The following DAB1 variants were observed in gnomAD, a reference collection of about 807,000 sequenced individuals.
DAB1 encodes DAB adaptor protein 1, also known as disabled homolog 1.
In DAB1, 15 loss-of-function variants were observed where a neutral mutation model predicts 64.6. That is an observed-to-expected ratio of 0.23 (90% CI 0.16 to 0.36). The LOEUF (loss-of-function observed/expected upper bound fraction) is 0.36, where lower values mean the gene tolerates loss of function less well. DAB1 is among the 10% of genes least tolerant of loss of function. DAB1 has a pLI of 1.00. For synonymous variants in DAB1, 235 were observed against 251.9 expected (o/e 0.93, Z 0.64); for missense variants, 596 against 706.7 (o/e 0.84, Z 1.78).
At chr1:58,274,118 G>GT (rs1342407495) in intron 4 of DAB1, among the ~76,000 whole-genome samples, 4 of 141,688 alleles carry the variant, frequency 2.8e-5, no homozygotes, top group African/African-American at 1.0e-4. Context: ...TTTCTGTTCT[G>GT]TTTTTTCCCC....
At chr1:57,177,447 A>G (rs1290850874) in intron 2 of DAB1, among the ~76,000 whole-genome samples, 3 of 152,160 alleles carry the variant, frequency 2.0e-5, no homozygotes, top group Admixed American at 2.0e-4. Flanking sequence ...AGGGAAAAAA[A>G]GATGTTTTTC....
At chr1:58,066,964 C>T (rs1241091182) in intron 5 of DAB1, among the ~76,000 whole-genome samples, 3 of 152,196 alleles carry the variant, frequency 2.0e-5, no homozygotes, top group South Asian at 2.1e-4. Flanking sequence ...GCTCCGGCCT[C>T]GCCATTCTCC....
At chr1:57,425,441 A>G (rs1169712006), upstream of DAB1, among the ~76,000 whole-genome samples, 1 of 152,124 alleles carries the variant, frequency 6.6e-6, no homozygotes, top group Non-Finnish European at 1.5e-5. Context: ...TCAATGGGCT[A>G]AAAATATTTA....
intron 4 of DAB1, among the ~76,000 whole-genome samples, chr1:58,266,100 T>A (rs1173038635): frequency 6.6e-6 from 1 of 151,068 alleles, no homozygotes. Flanking sequence ...AATTAATTAG[T>A]GCATATCAAA....
intron 7 of DAB1, among the ~76,000 whole-genome samples, chr1:57,585,636 C>A (rs1052375394): frequency 1.3e-5 from 2 of 152,104 alleles, no homozygotes; most frequent in East Asian, 1.9e-4. Flanking sequence ...CTTTCTACCC[C>A]CTTAGGCATT....
chr1:57,780,713 C>CT (rs891623389), intron 6 of DAB1, among the ~76,000 whole-genome samples: 1 of 151,472 alleles, frequency 6.6e-6, no homozygotes, highest in Non-Finnish European at 1.5e-5. Flanking sequence ...TTCCTTCTTT[C>CT]TTTTTTTCTT....
At chr1:57,902,030 C>G (rs778718873) in intron 5 of DAB1, among the ~76,000 whole-genome samples, 20 of 151,794 alleles carry the variant, frequency 1.3e-4, no homozygotes, top group Non-Finnish European at 1.9e-4. Context: ...TAGTGCACAT[C>G]TGTGTGGTCC....
At chr1:57,649,574 C>G (rs989385903) in intron 7 of DAB1, 4 of 152,120 alleles carry the variant, frequency 2.6e-5, no homozygotes, top group African/African-American at 9.7e-5. Flanking sequence ...CGATACCCAG[C>G]CAGACTCAAA....
rs576700711 is a variant in DAB1 at position 57,663,355 on chromosome 1, G to A, written n.552-13690C>T. 3.3e-5 allele frequency among the ~76,000 whole-genome samples: 5 copies of A among 152,148 alleles called. No homozygotes were observed. The South Asian group carries it at 1.0e-3, about 32-fold the overall frequency. On this transcript the variant is annotated intron_variant and non_coding_transcript_variant, in intron 6 of 20. Coordinates refer to the DAB1 transcript ENST00000485760. ...ACAATTTGACGTGAGATTTTGGCGG[G>A]GACACAAACCCAAACCACATCAGGT...
intron 6 of DAB1, among the ~76,000 whole-genome samples, chr1:57,771,245 A>G (rs2101830515): frequency 6.6e-6 from 1 of 152,254 alleles, no homozygotes; most frequent in East Asian, 1.9e-4. Context: ...CTATACCACA[A>G]TCAAGTTTAT....
intron 4 of DAB1, among the ~76,000 whole-genome samples, chr1:58,210,045 A>T (rs1386324857): frequency 6.6e-6 from 1 of 152,208 alleles, no homozygotes; most frequent in African/African-American, 2.4e-5. Flanking sequence ...CAATTTAATG[A>T]GCACTTGTTT....
chr1:58,309,499 T>C (rs1339248328), intron 4 of DAB1, among the ~76,000 whole-genome samples: 1 of 152,146 alleles, frequency 6.6e-6, no homozygotes, highest in African/African-American at 2.4e-5. Flanking sequence ...TCTTTCTTGG[T>C]TTTTATAAAT....
At chr1:57,375,458 A>G (rs1680818809) in intron 1 of DAB1, among the ~76,000 whole-genome samples, 1 of 152,196 alleles carries the variant, frequency 6.6e-6, no homozygotes, top group South Asian at 2.1e-4. Context: ...CAAGAGTTAT[A>G]TGATGCTTGC....
chr1:58,502,567 T>C (rs140977086), intron 3 of DAB1, among the ~76,000 whole-genome samples: 43 of 152,322 alleles, frequency 2.8e-4, no homozygotes, highest in African/African-American at 9.6e-4. Flanking sequence ...ACAGGAACCT[T>C]AGGTAGAACA....
intron 7 of DAB1, among the ~76,000 whole-genome samples, chr1:57,578,870 G>A (rs1645280570): frequency 6.6e-6 from 1 of 152,210 alleles, no homozygotes; most frequent in Non-Finnish European, 1.5e-5. Flanking sequence ...TCTGAAGTGA[G>A]ACAGTCAAGC....
At chr1:57,457,154 T>C (rs975836452) in intron 7 of DAB1, among the ~76,000 whole-genome samples, 4 of 152,140 alleles carry the variant, frequency 2.6e-5, no homozygotes, top group African/African-American at 9.7e-5. Context: ...CACTTCATCT[T>C]ATCAGAGTAT....
chr1:57,286,400 A>G (rs1358508054), intron 2 of DAB1, among the ~76,000 whole-genome samples: 1 of 152,206 alleles, frequency 6.6e-6, no homozygotes, highest in Admixed American at 6.5e-5. Context: ...TCAGGTAATA[A>G]TATAGGAAAC....
intron 3 of DAB1, among the ~76,000 whole-genome samples, chr1:58,455,742 A>G (rs1446561049): frequency 2.6e-5 from 4 of 152,216 alleles, no homozygotes; most frequent in Non-Finnish European, 4.4e-5. Context: ...AAAGACACAA[A>G]TATATCCTCT....
chr1:57,807,404 T>C (rs1289917062), intron 6 of DAB1, among the ~76,000 whole-genome samples: 2 of 152,168 alleles, frequency 1.3e-5, no homozygotes, highest in African/African-American at 2.4e-5. Context: ...CCTAGGCCAG[T>C]ATCACTTGGA....
Sources: allele counts gnomAD v4.1 joint callset (sites outside exome capture counted in the v4.1 genomes callset), GRCh38; gene constraint gnomAD v4.1.1; transcripts MANE v1.5; gene names NCBI Gene and HGNC (gene_info 2026-07-23, HGNC 2026-07-21).